The following MED25 variants were observed in gnomAD, a reference collection of about 807,000 sequenced individuals.
The protein encoded by MED25 is mediator complex subunit 25.
In MED25, 62 loss-of-function variants were observed where a neutral mutation model predicts 89.4. That is an observed-to-expected ratio of 0.69 (90% CI 0.57 to 0.86). The LOEUF is 0.86. Ranked by LOEUF, MED25 falls within the 40% of genes least tolerant of loss-of-function variation. The pLI, the probability that MED25 is intolerant of heterozygous loss-of-function variation, is 0.00. For synonymous variants in MED25, 449 were observed against 427.9 expected (o/e 1.05, Z -0.61); for missense variants, 905 against 1,005.2 (o/e 0.90, Z 1.35).
In MED25 at chr19:49,829,127, G is replaced by A. The variant is rs1373675589; in HGVS notation, c.525+37G>A. 1 of 1,590,938 alleles carries A rather than the reference G, an allele frequency of 6.3e-7. No individual in the cohort carries two copies. The highest frequency in any genetic ancestry group is 1.1e-5 in the South Asian group (1 of 89,434). ...AGGGTCTGAGGGACGAGGGTCTGGGGGCCCGGAGTCTTGGGTCTGAGGCAG... is the reference window on the plus strand; with the variant it reads ...AGGGTCTGAGGGACGAGGGTCTGGGAGCCCGGAGTCTTGGGTCTGAGGCAG... On this transcript the variant is annotated intron_variant, in intron 5 of 17. Transcript: ENST00000312865. This position sits in a 1 kb window ranked among gnomAD's most constrained non-coding sequence, Gnocchi z 4.6.
At chr19:49,840,290 A>G (rs1450935208), downstream of MED25, 1 of 152,200 alleles carries the variant, frequency 6.6e-6, no homozygotes, top group African/African-American at 2.4e-5. Context: ...TATTTTTTCA[A>G]TTTTGAATTT....
At chr19:49,823,900 G>T (rs1326519141) in intron 3 of MED25, among the ~76,000 whole-genome samples, 2 of 152,108 alleles carry the variant, frequency 1.3e-5, no homozygotes, top group Non-Finnish European at 2.9e-5. Context: ...CTCACTAGAT[G>T]CCGGTAGCCC....
chr19:49,821,657 A>G (rs1674140), intron 3 of MED25, among the ~76,000 whole-genome samples: 98,359 of 151,538 alleles, frequency 0.65, 32,487 homozygotes, highest in East Asian at 0.79. Flanking sequence ...GGAGTGCTGA[A>G]ATTACAGGCC....
downstream of MED25, chr19:49,839,882 T>C (rs2074122743): frequency 6.6e-6 from 1 of 152,240 alleles, no homozygotes; most frequent in African/African-American, 2.4e-5. Context: ...TTGTCCAGTT[T>C]GCCTTTGTTG....
At chr19:49,837,452 G>A (rs1055676733), downstream of MED25, among the ~76,000 whole-genome samples, 2 of 152,224 alleles carry the variant, frequency 1.3e-5, no homozygotes, top group African/African-American at 4.8e-5. Flanking sequence ...TGAGGAGCTC[G>A]GATTCCAAAC....
At chr19:49,818,516 T>TCAGTTTCGCA in intron 1 of MED25, 41 bp downstream of exon 1, 1 of 1,614,186 alleles carries the variant, frequency 6.2e-7, no homozygotes. Flanking sequence ...CCCTCCCACT[T>TCAGTTTCGCA]CAGTTTCGCA....
In MED25 at chr19:49,819,279, C is replaced by G. The variant is rs2123862300; in HGVS notation, c.288C>G (p.Thr96=). 1 of 1,613,164 alleles carries G rather than the reference C, an allele frequency of 6.2e-7. No individual in the cohort carries two copies. The highest frequency in any genetic ancestry group is 1.6e-4 in the Middle Eastern group (1 of 6,062). Residue 96 remains threonine, a synonymous_variant, in exon 3 of 18, where the codon ACC becomes ACG. Coordinates refer to ENST00000312865, the MANE Select transcript of MED25 (RefSeq NM_030973.4). ...CCAGCAGCGCCTATGAGTTTGTCAC[C>G]TGGCTCGATGGCATTAAGTGAGCTT... The part of the protein sequence containing the change: ...APTSSAYEFV[T]WLDGIKFMGG...
rs1356428790 is a variant in MED25, at chr19:49,822,035, G to A, written c.305+2739G>A. 2.5e-4 allele frequency among the ~76,000 whole-genome samples: 38 copies of A among 151,314 alleles called. 1 individual carries two copies. Among genetic ancestry groups the A allele is most frequent in the East Asian group, 3.9e-4 (2 of 5,156 alleles). ...TCCCAGCACTTTGGGAGGCTGAGGC[G>A]GGTGGATGATGAGGTCAGGAGATGG... On this transcript the variant is annotated intron_variant, in intron 3 of 17. Coordinates refer to ENST00000312865, the MANE Select transcript of MED25 (RefSeq NM_030973.4).
At chr19:49,819,343 C>T in intron 3 of MED25, 47 bp downstream of exon 3, 2 of 1,599,054 alleles carry the variant, frequency 1.3e-6, no homozygotes, top group Non-Finnish European at 1.7e-6. Flanking sequence ...CTGTGAGGGG[C>T]CGTGAATGAG....
chr19:49,827,451 AG>A, intron 3 of MED25, among the ~76,000 whole-genome samples: 1 of 152,158 alleles, frequency 6.6e-6, no homozygotes, highest in South Asian at 2.1e-4. Context: ...GAAATCTTAC[AG>A]GGGAAGGGCC....
rs1255521042 is a variant in MED25 at position 49,836,534 on chromosome 19, C to T, written c.2146+128C>T. ...TCCAAGAATGAGGGTTCCCCCATGG[C>T]CTTTGCGGAGCTCTGAGGGCTCCGG... On this transcript the variant is annotated intron_variant, in intron 17 of 17. Transcript: ENST00000312865. The surrounding 1 kb of genome is among the most constrained non-coding windows in gnomAD (Gnocchi z 5.1). 3.3e-6 allele frequency: 4 copies of T among 1,206,538 alleles called. No individual in the cohort carries two copies. In the East Asian group the frequency reaches 7.6e-5, roughly 23 times the overall value. 74.7% of individuals were successfully genotyped at this position (1,206,538 alleles called of 1,614,324 possible). A position where few individuals can be genotyped will look rare whatever the true frequency, so the allele number is the denominator to read the frequency against.
At chr19:49,819,373 G>T in intron 3 of MED25, 77 bp downstream of exon 3, 1 of 1,565,766 alleles carries the variant, frequency 6.4e-7, no homozygotes, top group Non-Finnish European at 8.7e-7. Flanking sequence ...GGGGTGGTTG[G>T]TGTCCCCGTG....
rs190932413 is a variant in MED25 at position 49,823,633 on chromosome 19, C to T, written c.305+4337C>T. Reference sequence around the variant, plus strand: ...TTAAACAACACCTGTTCGTAGCGGCCGTTACCTCTGTATGCTTCTGCAGCA... The same window carrying T: ...TTAAACAACACCTGTTCGTAGCGGCTGTTACCTCTGTATGCTTCTGCAGCA... On this transcript the variant is annotated intron_variant, in intron 3 of 17. Coordinates refer to ENST00000312865, the MANE Select transcript of MED25 (RefSeq NM_030973.4). Among the ~76,000 whole-genome samples, 7 of 152,242 alleles carry T rather than the reference C, an allele frequency of 4.6e-5. No homozygotes were observed. In the East Asian group the frequency reaches 9.7e-4, roughly 21 times the overall value.
intron 3 of MED25, among the ~76,000 whole-genome samples, chr19:49,824,610 TG>T (rs2074004265): frequency 1.5e-5 from 2 of 134,450 alleles, no homozygotes; most frequent in African/African-American, 5.5e-5. Flanking sequence ...AAAAAAGAGG[TG>T]GAAGGAAAAT....
At position 49,834,977 on chromosome 19, in the gene MED25, T is replaced by TCCACCCAGGCGGGCTGCGTG; in HGVS notation, c.1483-7_1495dup. On this transcript the variant is annotated splice_polypyrimidine_tract_variant and intron_variant, in intron 13 of 17. Transcript: ENST00000312865. This position sits in a 1 kb window ranked among gnomAD's most constrained non-coding sequence, Gnocchi z 4.1. ...CCTGAATGGTTCTGAAGAGCTGTTG[T>TCCACCCAGGCGGGCTGCGTG]CCACCCAGGCGGGCTGCGTGCACTT... is the stretch of plus-strand genomic sequence containing the variant. The TCCACCCAGGCGGGCTGCGTG allele has an allele frequency of 1.2e-6, 2 of 1,613,822 alleles. No individual in the cohort carries two copies. The highest frequency in any genetic ancestry group is 1.7e-6 in the Non-Finnish European group (2 of 1,179,918).
At chr19:49,832,207 C>T (rs1197920416) in intron 12 of MED25, 50 bp downstream of exon 12, 17 of 1,596,496 alleles carry the variant, frequency 1.1e-5, no homozygotes, top group Non-Finnish European at 1.5e-5. Flanking sequence ...CCTCACCCTG[C>T]TGTCTCTTTC....
chr19:49,819,405 G>T lies in MED25; in HGVS notation c.305+109G>T, dbSNP rs927209892. 3.4e-4 allele frequency: 424 copies of T among 1,258,478 alleles called. 2 individuals carry two copies. Among genetic ancestry groups the T allele is most frequent in the Non-Finnish European group, 4.7e-4 (421 of 895,906 alleles). 78.0% of individuals were successfully genotyped at this position (1,258,478 alleles called of 1,614,324 possible). On this transcript the variant is annotated intron_variant, in intron 3 of 17. Transcript: ENST00000312865. ...CGTGAGAGGCTGTGAATAAGTGATG[G>T]CTTGGGGTGGTTGGTGTCCCCGTGA...
chr19:49,826,183 T>A (rs145256948), intron 3 of MED25, among the ~76,000 whole-genome samples: 7,006 of 151,532 alleles, frequency 0.046, 262 homozygotes, highest in South Asian at 0.12. Context: ...TACTTAAAAA[T>A]TAAAAAAATT....
chr19:49,818,324 G>T lies in MED25; in HGVS notation c.-18G>T, dbSNP rs759410759. ...GTCGGCTGCGGCTGCAGTGGTGGTG[G>T]CGGGTACCGCACGGGGTATGGTCCC... On this transcript the variant is annotated 5_prime_UTR_variant, in exon 1 of 18. Coordinates refer to ENST00000312865, the MANE Select transcript of MED25 (RefSeq NM_030973.4). The T allele has an allele frequency of 6.4e-6, 10 of 1,568,292 alleles. No homozygotes were observed. Among genetic ancestry groups the T allele is most frequent in the African/African-American group, 1.4e-5 (1 of 73,872 alleles).
Sources: gnomAD v4.1 joint callset for allele counts (sites outside exome capture counted in the v4.1 genomes callset) on GRCh38, gnomAD v4.1.1 for gene constraint, Gnocchi (gnomAD v3.1) non-coding constraint, MANE v1.5 for transcripts, NCBI Gene and HGNC (gene_info 2026-07-23, HGNC 2026-07-21) for gene names.